NAALADL2: variants seen among roughly 807,000 people sequenced by gnomAD.
The protein encoded by NAALADL2 is N-acetylated alpha-linked acidic dipeptidase like 2, also known as inactive N-acetylated-alpha-linked acidic dipeptidase-like protein 2.
A neutral mutation model predicts 87.2 loss-of-function variants in NAALADL2; 76 were observed. The ratio of observed to expected loss-of-function variants is 0.87; its 90% CI spans 0.72 to 1.05. The LOEUF is 1.05. NAALADL2 is among the 50% of genes least tolerant of loss of function. NAALADL2 has a pLI of 0.00. For synonymous variants in NAALADL2, 354 were observed against 331.0 expected, an observed-to-expected ratio of 1.07 and a Z score of -0.75; for missense variants, 1,089 against 945.8, an observed-to-expected ratio of 1.15 and a Z score of -1.99.
At chr3:174,593,608 A>T (rs1172503358) in intron 2 of NAALADL2, among the ~76,000 whole-genome samples, 1 of 152,190 alleles carries the variant, frequency 6.6e-6, no homozygotes, top group East Asian at 1.9e-4. Context: ...CTTCTTATTT[A>T]GAGATGTAAG....
At chr3:174,847,181 C>T (rs552326805) in intron 3 of NAALADL2, among the ~76,000 whole-genome samples, 3 of 152,090 alleles carry the variant, frequency 2.0e-5, no homozygotes, top group Non-Finnish European at 4.4e-5. Context: ...TTTATCTCTA[C>T]CCATATTTCT....
chr3:175,155,256 C>G (rs942104616), intron 2 of NAALADL2, among the ~76,000 whole-genome samples: 11 of 152,236 alleles, frequency 7.2e-5, no homozygotes, highest in African/African-American at 2.6e-4. Context: ...GCAACTGGGG[C>G]TGAGAATCAC....
intron 1 of NAALADL2, among the ~76,000 whole-genome samples, chr3:174,896,986 A>G (rs1731619612): frequency 6.6e-6 from 1 of 152,168 alleles, no homozygotes; most frequent in African/African-American, 2.4e-5. Context: ...AACAAATGAA[A>G]CTGTGTCTCA....
chr3:174,788,131 A>G (rs769522210), intron 3 of NAALADL2, among the ~76,000 whole-genome samples: 6 of 152,188 alleles, frequency 3.9e-5, no homozygotes, highest in Non-Finnish European at 8.8e-5. Flanking sequence ...TATGAATTCA[A>G]GACCTAACAT....
chr3:174,509,667 C>G (rs1173938618), intron 1 of NAALADL2, among the ~76,000 whole-genome samples: 1 of 146,578 alleles, frequency 6.8e-6, no homozygotes, highest in Non-Finnish European at 1.5e-5. Flanking sequence ...ACCTCGTAAT[C>G]CGCCCACCTC....
intron 1 of NAALADL2, among the ~76,000 whole-genome samples, chr3:174,534,870 T>G (rs1258590831): frequency 6.6e-6 from 1 of 152,112 alleles, no homozygotes; most frequent in Non-Finnish European, 1.5e-5. Context: ...TGGAGAAAAA[T>G]TGTATCAGAC....
chr3:175,470,253 C>T (rs544857324), intron 8 of NAALADL2, among the ~76,000 whole-genome samples: 47 of 151,928 alleles, frequency 3.1e-4, no homozygotes, highest in Admixed American at 1.9e-3. Context: ...ATGGAGGGAA[C>T]GGGGAGAAAA....
intron 5 of NAALADL2, among the ~76,000 whole-genome samples, chr3:175,406,106 T>A (rs984090707): frequency 6.6e-6 from 1 of 152,138 alleles, no homozygotes; most frequent in Admixed American, 6.5e-5. Flanking sequence ...AATATCATAA[T>A]TTCCGGTCAT....
At position 175,659,214 on chromosome 3, in the gene NAALADL2, T is replaced by G. The variant is rs138444661; in HGVS notation, c.1896+31828T>G. On this transcript the variant is annotated intron_variant, in intron 11 of 13. Transcript: ENST00000454872. ...GTTAGTGTTATGTATTTATTGATGT[T>G]TATTACCTAAGCCTTTAATATTGTT... Among the ~76,000 whole-genome samples the G allele has an allele frequency of 2.7e-3, 417 of 152,350 alleles. 5 individuals are homozygous for G. The highest frequency in any genetic ancestry group is 6.9e-3 in the East Asian group (36 of 5,190).
At chr3:175,698,417 A>T (rs532243420) in intron 11 of NAALADL2, among the ~76,000 whole-genome samples, 1 of 63,956 alleles carries the variant, frequency 1.6e-5, no homozygotes, top group South Asian at 3.9e-4. Flanking sequence ...TTATGTATGT[A>T]TACATATGTA....
chr3:175,203,041 C>T (rs577783248), intron 2 of NAALADL2, among the ~76,000 whole-genome samples: 2 of 152,164 alleles, frequency 1.3e-5, no homozygotes, highest in Admixed American at 1.3e-4. Context: ...TAGAACTTGC[C>T]CCAGGCTACC....
At chr3:175,015,499 G>C (rs1172128025) in intron 1 of NAALADL2, among the ~76,000 whole-genome samples, 2 of 152,006 alleles carry the variant, frequency 1.3e-5, no homozygotes, top group African/African-American at 2.4e-5. Context: ...ACCTGATAAA[G>C]CATAAAGATA....
intron 12 of NAALADL2, among the ~76,000 whole-genome samples, chr3:175,740,770 T>A (rs6791612): frequency 6.6e-6 from 1 of 152,022 alleles, no homozygotes; most frequent in African/African-American, 2.4e-5. Flanking sequence ...TAGGAAATGT[T>A]CTGCTCTCTC....
chr3:174,828,590 G>C (rs563342946), intron 3 of NAALADL2, among the ~76,000 whole-genome samples: 1 of 152,214 alleles, frequency 6.6e-6, no homozygotes, highest in East Asian at 1.9e-4. Context: ...AAAAACACGA[G>C]TAAGCCAAAC....
chr3:174,616,152 A>G (rs998071892), intron 2 of NAALADL2, among the ~76,000 whole-genome samples: 1 of 151,908 alleles, frequency 6.6e-6, no homozygotes, highest in Non-Finnish European at 1.5e-5. Context: ...GGTCTTAAAC[A>G]CAATCGTTGA....
intron 2 of NAALADL2, among the ~76,000 whole-genome samples, chr3:175,167,825 T>C (rs1734209128): frequency 6.6e-6 from 1 of 152,060 alleles, no homozygotes; most frequent in Non-Finnish European, 1.5e-5. Context: ...TGGAGCCTCC[T>C]TCTATACCCA....
rs372878981 is a variant in NAALADL2 at position 174,522,781 on chromosome 3, A to G, written c.-183-27788A>G. Reference sequence around the variant, plus strand: ...AACCCCGTCTCTACTAAAAAATACAAAAATTAGCCGGGTGCGGTGGCGGGC... The same window carrying G: ...AACCCCGTCTCTACTAAAAAATACAGAAATTAGCCGGGTGCGGTGGCGGGC... On this transcript the variant is annotated intron_variant, in intron 1 of 3. Transcript: ENST00000434257. Among the ~76,000 whole-genome samples the G allele has an allele frequency of 4.8e-4, 73 of 151,976 alleles. 1 individual carries two copies. The East Asian group carries it at 0.01, about 21-fold the overall frequency.
At chr3:175,471,142 T>A (rs992304738) in intron 8 of NAALADL2, among the ~76,000 whole-genome samples, 1 of 152,114 alleles carries the variant, frequency 6.6e-6, no homozygotes, top group Non-Finnish European at 1.5e-5. Flanking sequence ...TTTAAAATCC[T>A]TTTATAATCT....
chr3:174,902,850 A>G (rs1009129937), intron 1 of NAALADL2, among the ~76,000 whole-genome samples: 1 of 152,124 alleles, frequency 6.6e-6, no homozygotes, highest in Non-Finnish European at 1.5e-5. Flanking sequence ...TGAGAAATAC[A>G]TGCTTGGGAA....
Sources: allele counts gnomAD v4.1 joint callset (sites outside exome capture counted in the v4.1 genomes callset), GRCh38; gene constraint gnomAD v4.1.1; transcripts MANE v1.5; gene names NCBI Gene and HGNC (gene_info 2026-07-23, HGNC 2026-07-21).